BFSP1: variants seen among roughly 807,000 people sequenced by gnomAD.
BFSP1 encodes the protein beaded filament structural protein 1.
Under a neutral mutation model 43.9 loss-of-function variants are expected in BFSP1, and 38 were observed. That is an observed-to-expected ratio of 0.87 (90% CI 0.67 to 1.14). BFSP1 has a LOEUF of 1.14. BFSP1 is among the 50% of genes most tolerant of loss of function. The probability of loss-of-function intolerance (pLI) is 0.00; values close to 1 mark genes in which losing one functional copy is unlikely to be tolerated. For synonymous variants in BFSP1, 352 were observed against 354.8 expected (o/e 0.99, Z 0.09); for missense variants, 850 against 875.1 (o/e 0.97, Z 0.36).
intron 6 of BFSP1, among the ~76,000 whole-genome samples, chr20:17,497,869 C>A (rs2033693651): frequency 6.6e-6 from 1 of 152,100 alleles, no homozygotes; most frequent in Admixed American, 6.6e-5. Context: ...TATCCAGTCA[C>A]CTTTCTGTGA....
intron 1 of BFSP1, among the ~76,000 whole-genome samples, chr20:17,539,135 A>G (rs553659932): frequency 9.4e-5 from 6 of 63,610 alleles, no homozygotes; most frequent in African/African-American, 2.3e-4. Context: ...TTTTTTTGCA[A>G]TGGGGTCTTG....
intron 2 of BFSP1, among the ~76,000 whole-genome samples, chr20:17,516,249 C>A (rs1474206099): frequency 1.3e-5 from 2 of 152,178 alleles, no homozygotes; most frequent in Admixed American, 1.3e-4. Flanking sequence ...ATCACTTGAA[C>A]CTGGGAGGCA....
chr20:17,494,754 C>T lies in BFSP1; in HGVS notation c.1318G>A (p.Gly440Ser). The change falls in exon 8 of 8, where the codon GGC becomes AGC. Residue 440 changes from glycine to serine, a missense_variant. Coordinates refer to ENST00000377873, the MANE Select transcript of BFSP1 (RefSeq NM_001195.5). The stretch of plus-strand genomic sequence containing the variant: ...ACCTTCCTGTATAGTTTCCCAAAGC[C>T]TTTGCTTATCTGCCCTCCATCTGGC... ...DVPDGGQISK[G>S]FGKLYRKVKE... 9.9e-6 allele frequency: 16 copies of T among 1,614,130 alleles called. No homozygotes were observed. Among genetic ancestry groups the T allele is most frequent in the Non-Finnish European group, 1.4e-5 (16 of 1,180,038 alleles).
At chr20:17,563,888 A>G (rs936527724), upstream of BFSP1, among the ~76,000 whole-genome samples, 3,616 of 140,666 alleles carry the variant, frequency 0.026, 131 homozygotes, top group African/African-American at 0.091. Context: ...CCGTGTCTAA[A>G]AAAAAAAAAA....
intron 5 of BFSP1, among the ~76,000 whole-genome samples, chr20:17,506,434 T>C (rs74563989): frequency 0.021 from 3,244 of 152,286 alleles, 54 homozygotes; most frequent in East Asian, 0.072. Context: ...CTACATGCTA[T>C]AGCTTGTTAC....
intron 3 of BFSP1, among the ~76,000 whole-genome samples, chr20:17,513,107 G>A (rs2034124777): frequency 6.6e-6 from 1 of 152,134 alleles, no homozygotes; most frequent in South Asian, 2.1e-4. Flanking sequence ...TCAACTCCTT[G>A]AGGGACCCAG....
At chr20:17,526,521 G>T (rs1437564952) in intron 1 of BFSP1, among the ~76,000 whole-genome samples, 1 of 152,178 alleles carries the variant, frequency 6.6e-6, no homozygotes, top group East Asian at 1.9e-4. Context: ...TTTTAAGGGT[G>T]TATAATATTC....
At chr20:17,498,686 AT>A (rs1245047185) in intron 6 of BFSP1, 133 bp downstream of exon 6, 6 of 1,057,122 alleles carry the variant, frequency 5.7e-6, no homozygotes, top group African/African-American at 3.2e-5. Context: ...TCCAACACCC[AT>A]GGGGTCAGGA....
intron 2 of BFSP1, among the ~76,000 whole-genome samples, chr20:17,519,287 T>C (rs747395686): frequency 6.6e-6 from 1 of 152,234 alleles, no homozygotes; most frequent in Non-Finnish European, 1.5e-5. Flanking sequence ...TTAAGCCACA[T>C]GTGCCATCCT....
chr20:17,509,843 T>C (rs1286131813), intron 4 of BFSP1, among the ~76,000 whole-genome samples: 1 of 152,216 alleles, frequency 6.6e-6, no homozygotes, highest in Non-Finnish European at 1.5e-5. Flanking sequence ...CTGACCTGCC[T>C]TTCCACGTCT....
At chr20:17,568,466 T>C (rs2035148763) in intron 1 of BFSP1, among the ~76,000 whole-genome samples, 1 of 146,922 alleles carries the variant, frequency 6.8e-6, no homozygotes, top group South Asian at 2.2e-4. Context: ...TACAGGGGGG[T>C]TCCTTCTCAG....
Position 17,553,820 on chromosome 20 carries a change from CACACATATATATATAT to C in BFSP1, c.2+4852_2+4867del, listed in dbSNP as rs1450440933. Among the ~76,000 whole-genome samples, 361 of 95,964 alleles carry C rather than the reference CACACATATATATATAT, an allele frequency of 3.8e-3. 1 individual carries two copies. The highest frequency in any genetic ancestry group is 5.5e-3 in the Non-Finnish European group (288 of 52,128). 63.0% of individuals were successfully genotyped at this position (95,964 alleles called of 152,430 possible). On this transcript the variant is annotated intron_variant, in intron 1 of 7. Coordinates refer to the BFSP1 transcript ENST00000377868. ...ACACACACACACACACACACACACACACACATATATATATATACACATATATATACATATATATACA... is the reference window on the plus strand; with the variant it reads ...ACACACACACACACACACACACACACACACATATATATACATATATATACA...
chr20:17,530,775 A>C lies in BFSP1; in HGVS notation c.377+178T>G, dbSNP rs367666571. Among the ~76,000 whole-genome samples the C allele has an allele frequency of 2.6e-4, 40 of 152,400 alleles. 2 individuals carry two copies. The highest frequency in any genetic ancestry group is 8.4e-4 in the African/African-American group (35 of 41,600). Reference sequence around the variant, plus strand: ...TCGTGTAAACTGTGACGTGCCATCAAAACAGAAGCCAGTCTTAGCTTAAGG... The same window carrying C: ...TCGTGTAAACTGTGACGTGCCATCACAACAGAAGCCAGTCTTAGCTTAAGG... On this transcript the variant is annotated intron_variant, in intron 1 of 7. Coordinates refer to ENST00000377873, the MANE Select transcript of BFSP1 (RefSeq NM_001195.5).
chr20:17,530,966 C>G lies in BFSP1; in HGVS notation c.364G>C (p.Glu122Gln). Residue 122 changes from glutamate (E) to glutamine (Q), a missense_variant, in exon 1 of 8, where the codon GAG (glutamate) becomes CAG (glutamine). By Grantham distance (29) the Glu-to-Gln change is conservative. Transcript: ENST00000377873. ...QGTEAQRALD[E>Q]FRSKYENECE... ...GCCGCCGCTTACTTGCTTCGGAACT[C>G]GTCGAGCGCGCGCTGCGCCTCGGTG... 1 of 1,437,110 alleles carries G rather than the reference C, an allele frequency of 7.0e-7. No homozygotes were observed. Among genetic ancestry groups the G allele is most frequent in the South Asian group, 1.4e-5 (1 of 72,196 alleles). 89.0% of individuals were successfully genotyped at this position (1,437,110 alleles called of 1,614,324 possible).
chr20:17,549,072 A>G (rs956618416), intron 1 of BFSP1, among the ~76,000 whole-genome samples: 6 of 152,096 alleles, frequency 3.9e-5, no homozygotes, highest in African/African-American at 9.7e-5. Context: ...TGGCCTCCCA[A>G]ACTGTTGGGA....
rs1038706832 is a variant in BFSP1, at chr20:17,517,167, G to C, written c.439-2351C>G. 3.7e-6 allele frequency: 3 copies of C among 811,626 alleles called. No individual in the cohort carries two copies. In the South Asian group the frequency reaches 4.0e-5, roughly 11 times the overall value. 50.3% of individuals were successfully genotyped at this position (811,626 alleles called of 1,614,324 possible). On this transcript the variant is annotated intron_variant, in intron 2 of 7. Coordinates refer to ENST00000377873, the MANE Select transcript of BFSP1 (RefSeq NM_001195.5). ...TGTCCTGAAATACTATAAGGTAGAC[G>C]AGAATGGCAAAATTAGTCACCTTCA... is the stretch of plus-strand genomic sequence containing the variant.
In BFSP1 at chr20:17,531,303, C is replaced by G; in HGVS notation, c.27G>C (p.Gln9His). Reference sequence around the variant, plus strand: ...CGTGCTCGTACTGCTCCTTGCGGGTCTGGAAGACGTAGCTGCGCCGGTACA... The same window carrying G: ...CGTGCTCGTACTGCTCCTTGCGGGTGTGGAAGACGTAGCTGCGCCGGTACA... MYRRSYVF[Q>H]TRKEQYEHAD... is the part of the protein sequence containing the mutation. The change falls in exon 1 of 8, where the codon CAG (glutamine) becomes CAC (histidine). Residue 9 changes from glutamine (Q) to histidine (H), a missense_variant. Transcript: ENST00000377873. 1 of 1,474,348 alleles carries G rather than the reference C, an allele frequency of 6.8e-7. No individual in the cohort carries two copies. The highest frequency in any genetic ancestry group is 8.9e-7 in the Non-Finnish European group (1 of 1,119,966). 91.3% of individuals were successfully genotyped at this position (1,474,348 alleles called of 1,614,324 possible).
At chr20:17,543,886 C>T (rs1310556905) in intron 1 of BFSP1, among the ~76,000 whole-genome samples, 1 of 152,230 alleles carries the variant, frequency 6.6e-6, no homozygotes, top group Admixed American at 6.5e-5. Context: ...TCACATGCTT[C>T]ATGTATAAAC....
Position 17,549,622 on chromosome 20 carries a change from G to C in BFSP1, c.2+9066C>G, listed in dbSNP as rs372401679. On this transcript the variant is annotated intron_variant, in intron 1 of 7. Coordinates refer to the BFSP1 transcript ENST00000377868. ...AGGCCAAGGAGGGTGAATCACTTGA[G>C]GTCGGGAGTTCGAGACCAGCCTGGG... Among the ~76,000 whole-genome samples the C allele has an allele frequency of 2.0e-5, 3 of 152,252 alleles. No individual in the cohort carries two copies. The East Asian group carries it at 5.8e-4, about 29-fold the overall frequency.
Sources: allele counts gnomAD v4.1 joint callset (sites outside exome capture counted in the v4.1 genomes callset), GRCh38; gene constraint gnomAD v4.1.1; transcripts MANE v1.5; gene names NCBI Gene and HGNC (gene_info 2026-07-23, HGNC 2026-07-21).